ECE1: variants seen among roughly 807,000 people sequenced by gnomAD.
The protein encoded by ECE1 is endothelin converting enzyme 1.
A neutral mutation model predicts 98.6 loss-of-function variants in ECE1; 35 were observed. The ratio of observed to expected loss-of-function variants is 0.35; its 90% CI spans 0.27 to 0.47. The LOEUF (loss-of-function observed/expected upper bound fraction) is 0.47. ECE1 is among the 20% of genes least tolerant of loss of function. The pLI, the probability that ECE1 is intolerant of heterozygous loss-of-function variation, is 1.00. For missense variants in ECE1, 814 were observed against 1,025.3 expected, an observed-to-expected ratio of 0.79 and a Z score of 2.81; for synonymous variants, 394 against 407.1, an observed-to-expected ratio of 0.97 and a Z score of 0.39.
chr1:21,331,963 C>G (rs1639208205), intron 1 of ECE1, among the ~76,000 whole-genome samples: 1 of 152,102 alleles, frequency 6.6e-6, no homozygotes, highest in African/African-American at 2.4e-5. Flanking sequence ...TCACCACTCC[C>G]AGGAGCCTCC....
At chr1:21,262,507 T>G (rs1025055586) in intron 4 of ECE1, among the ~76,000 whole-genome samples, 2 of 152,228 alleles carry the variant, frequency 1.3e-5, no homozygotes, top group South Asian at 4.1e-4. Context: ...CGTCTCACCC[T>G]CCACATCTGG....
chr1:21,221,717 A>G (rs1451500179), intron 18 of ECE1, 30 bp downstream of exon 18: 1 of 1,604,234 alleles, frequency 6.2e-7, no homozygotes, highest in African/African-American at 1.3e-5. Context: ...AGAATGTACC[A>G]TGTGTGGCAT....
intron 1 of ECE1, chr1:21,299,700 C>T (rs946155933): frequency 6.6e-6 from 1 of 152,222 alleles, no homozygotes; most frequent in African/African-American, 2.4e-5. Flanking sequence ...GCCTCAGTGT[C>T]CTCATCTGTA....
chr1:21,227,662 CTG>C (rs754965337), intron 15 of ECE1, among the ~76,000 whole-genome samples: 55 of 152,170 alleles, frequency 3.6e-4, no homozygotes, highest in Non-Finnish European at 6.6e-4. Context: ...CCAGCTCTGA[CTG>C]TGTTATAACA....
intron 10 of ECE1, among the ~76,000 whole-genome samples, chr1:21,239,198 A>G (rs1031785585): frequency 2.0e-5 from 3 of 151,438 alleles, no homozygotes; most frequent in Admixed American, 6.6e-5. Flanking sequence ...AGTCCATACA[A>G]CCCCTCTGTG....
intron 1 of ECE1, among the ~76,000 whole-genome samples, chr1:21,302,447 G>A (rs1360564965): frequency 3.9e-5 from 6 of 152,228 alleles, no homozygotes; most frequent in Non-Finnish European, 7.3e-5. Context: ...TCTCAGAACT[G>A]GGTGTGAGGA....
chr1:21,272,580 C>G, intron 4 of ECE1, 119 bp downstream of exon 4: 1 of 1,257,072 alleles, frequency 8.0e-7, no homozygotes, highest in Non-Finnish European at 1.1e-6. Context: ...GTGTGAGCCA[C>G]CGTGCCCGGC....
intron 1 of ECE1, among the ~76,000 whole-genome samples, chr1:21,334,840 C>T (rs974687674): frequency 6.6e-6 from 1 of 152,198 alleles, no homozygotes; most frequent in African/African-American, 2.4e-5. Context: ...TACGCCTCCT[C>T]AGCCTCAGGA....
chr1:21,273,780 G>A (rs918785141), intron 3 of ECE1, among the ~76,000 whole-genome samples: 5 of 152,184 alleles, frequency 3.3e-5, no homozygotes, highest in Non-Finnish European at 7.3e-5. Context: ...GTTTGAACCC[G>A]GGAGATGGAG....
At chr1:21,344,554 A>C (rs928330419) in intron 1 of ECE1, among the ~76,000 whole-genome samples, 4 of 152,110 alleles carry the variant, frequency 2.6e-5, no homozygotes, top group African/African-American at 9.7e-5. Context: ...GGGTCCAGGG[A>C]CAATGCCCCT....
At chr1:21,274,350 G>A (rs1339144374) in intron 3 of ECE1, among the ~76,000 whole-genome samples, 1 of 152,258 alleles carries the variant, frequency 6.6e-6, no homozygotes, top group Non-Finnish European at 1.5e-5. Context: ...CACACAGGGA[G>A]GCAGTGAGGC....
Position 21,272,896 on chromosome 1 carries a change from C to G in ECE1, c.296G>C (p.Cys99Ser). 6.2e-7 allele frequency: 1 copy of G among 1,614,170 alleles called. No homozygotes were observed. The highest frequency in any genetic ancestry group is 8.5e-7 in the Non-Finnish European group (1 of 1,180,004). ...CACTGAGACACAAGCTTCGCTCAGG[C>G]ACACAGAGGGGGATCCTGGAAGGGT... ...IQYQTRSPSV[C>S]LSEACVSVTS... The change falls in exon 4 of 19, where the codon TGC becomes TCC. Residue 99 changes from cysteine to serine, a missense_variant. Physicochemically the swap from Cys to Ser is moderately radical, Grantham distance 112. Around this residue, in one of 3 missense-constraint regions of ECE1, gnomAD observed 257 missense variants for 278.9 expected, o/e 0.92. Coordinates refer to ENST00000374893, the MANE Select transcript of ECE1 (RefSeq NM_001397.3).
At chr1:21,263,701 G>T (rs2098230089) in intron 4 of ECE1, among the ~76,000 whole-genome samples, 1 of 151,966 alleles carries the variant, frequency 6.6e-6, no homozygotes, top group Non-Finnish European at 1.5e-5. Context: ...TGGGGCAGGA[G>T]TGGACAGGAT....
chr1:21,254,770 G>A (rs1287490786), intron 8 of ECE1, among the ~76,000 whole-genome samples: 1 of 152,184 alleles, frequency 6.6e-6, no homozygotes, highest in Admixed American at 6.5e-5. Flanking sequence ...TCTCCATCCT[G>A]GTCTGAGCAG....
chr1:21,255,481 G>A (rs1395388964), intron 8 of ECE1, among the ~76,000 whole-genome samples: 3 of 152,228 alleles, frequency 2.0e-5, no homozygotes, highest in African/African-American at 4.8e-5. Flanking sequence ...GTTGTACAGT[G>A]AGCCCATCTG....
rs1186792973 is a variant in ECE1, at chr1:21,300,583, T to A, written c.4-10427A>T. ...CCAAGTAGCTGGGACCACAGACATG[T>A]TCCACCACACCCGGCTAATTTTTTA... On this transcript the variant is annotated intron_variant, in intron 1 of 18. Coordinates refer to the ECE1 transcript ENST00000415912. 1.3e-5 allele frequency among the ~76,000 whole-genome samples: 2 copies of A among 152,082 alleles called. 1 individual carries two copies. Among genetic ancestry groups the A allele is most frequent in the African/African-American group, 4.8e-5 (2 of 41,414 alleles).
chr1:21,229,168 CCT>C (rs1406660226), intron 14 of ECE1, among the ~76,000 whole-genome samples: 1 of 152,034 alleles, frequency 6.6e-6, no homozygotes, highest in African/African-American at 2.4e-5. Flanking sequence ...CATCTCAACC[CCT>C]GAATACAAGA....
intron 12 of ECE1, among the ~76,000 whole-genome samples, chr1:21,236,339 C>T (rs1409210895): frequency 1.3e-5 from 2 of 152,280 alleles, no homozygotes; most frequent in Non-Finnish European, 2.9e-5. Flanking sequence ...AGACAGCATC[C>T]AGGCTGTGCT....
chr1:21,323,097 A>G (rs1474346643), intron 1 of ECE1, among the ~76,000 whole-genome samples: 2 of 152,224 alleles, frequency 1.3e-5, no homozygotes, highest in Non-Finnish European at 1.5e-5. Context: ...CCAATTCTGC[A>G]TTCTGCTCCA....
Sources: allele counts gnomAD v4.1 joint callset (sites outside exome capture counted in the v4.1 genomes callset), GRCh38; gene constraint gnomAD v4.1.1; regional missense constraint gnomAD v4.1.1; transcripts MANE v1.5; gene names NCBI Gene and HGNC (gene_info 2026-07-23, HGNC 2026-07-21).